RARB: variants seen among roughly 807,000 people sequenced by gnomAD.
RARB encodes the protein HBV-activated protein.
RARB carries 17 observed loss-of-function variants against 51.9 expected under a neutral mutation model. The observed-to-expected ratio is 0.33, with a 90% CI of 0.22 to 0.49. The LOEUF (loss-of-function observed/expected upper bound fraction) is 0.49. Ranked by LOEUF, RARB falls within the 20% of genes least tolerant of loss-of-function variation. The probability of loss-of-function intolerance (pLI) is 0.99; values close to 1 mark genes in which losing one functional copy is unlikely to be tolerated. For synonymous variants in RARB, 215 were observed against 195.4 expected (o/e 1.10, Z -0.84); for missense variants, 369 against 550.8 (o/e 0.67, Z 3.30).
intron 3 of RARB, among the ~76,000 whole-genome samples, chr3:25,121,520 C>T (rs1376289249): frequency 6.6e-6 from 1 of 152,140 alleles, no homozygotes; most frequent in East Asian, 1.9e-4. Flanking sequence ...CACCAGTCTA[C>T]GTTTTCACCT....
intron 5 of RARB, among the ~76,000 whole-genome samples, chr3:25,348,814 G>C (rs1430436942): frequency 6.6e-6 from 1 of 152,170 alleles, no homozygotes; most frequent in Non-Finnish European, 1.5e-5. Flanking sequence ...GCCAACTGGA[G>C]GGTTTGTAAC....
intron 5 of RARB, among the ~76,000 whole-genome samples, chr3:25,188,000 C>T (rs930782626): frequency 6.6e-6 from 1 of 151,672 alleles, no homozygotes; most frequent in Admixed American, 6.6e-5. Flanking sequence ...TTTAAAATGT[C>T]GATGGAGAAA....
chr3:25,149,822 C>T (rs1210904199), intron 4 of RARB, among the ~76,000 whole-genome samples: 1 of 152,220 alleles, frequency 6.6e-6, no homozygotes, highest in African/African-American at 2.4e-5. Flanking sequence ...ATACTCCTCA[C>T]GAGAGCAGAA....
chr3:24,916,386 T>C (rs1314594945), intron 2 of RARB, among the ~76,000 whole-genome samples: 4 of 152,176 alleles, frequency 2.6e-5, no homozygotes, highest in Middle Eastern at 6.3e-3. Context: ...TCCTGACCAA[T>C]GAGGCTTTAT....
intron 2 of RARB, among the ~76,000 whole-genome samples, chr3:24,896,136 T>TTA (rs1252016026): frequency 6.6e-6 from 1 of 152,172 alleles, no homozygotes; most frequent in Non-Finnish European, 1.5e-5. Context: ...ACGATTCCAC[T>TTA]TATATGAGCA....
At chr3:25,415,421 G>T (rs1476281666) in intron 5 of RARB, among the ~76,000 whole-genome samples, 2 of 151,956 alleles carry the variant, frequency 1.3e-5, no homozygotes, top group Non-Finnish European at 1.5e-5. Context: ...TTATTTGTAT[G>T]CAGTATATAC....
intron 2 of RARB, among the ~76,000 whole-genome samples, chr3:25,018,429 G>A (rs1011153719): frequency 6.6e-6 from 1 of 152,116 alleles, no homozygotes; most frequent in Non-Finnish European, 1.5e-5. Flanking sequence ...TGAGAAGAAA[G>A]GTAAATTAGG....
chr3:25,593,286 A>T (rs1336717647), intron 5 of RARB, among the ~76,000 whole-genome samples: 1 of 152,012 alleles, frequency 6.6e-6, no homozygotes, highest in Non-Finnish European at 1.5e-5. Context: ...AAAATTTCTT[A>T]TGTCCTGTTT....
At chr3:25,096,745 G>A (rs1375210394) in intron 3 of RARB, among the ~76,000 whole-genome samples, 2 of 152,106 alleles carry the variant, frequency 1.3e-5, no homozygotes, top group Admixed American at 1.3e-4. Flanking sequence ...TTAATCTGGG[G>A]GTGGACCCTG....
At chr3:25,390,612 A>G (rs1264548307) in intron 5 of RARB, among the ~76,000 whole-genome samples, 1 of 152,198 alleles carries the variant, frequency 6.6e-6, no homozygotes, top group Non-Finnish European at 1.5e-5. Context: ...ACAGGTTTTT[A>G]AATATGTAGT....
chr3:24,926,313 G>A (rs1033305813), intron 2 of RARB, among the ~76,000 whole-genome samples: 3 of 117,156 alleles, frequency 2.6e-5, no homozygotes, highest in South Asian at 2.5e-4. Flanking sequence ...AAAAATATAG[G>A]GTACCCTGTG....
intron 4 of RARB, among the ~76,000 whole-genome samples, chr3:25,570,957 CAGTG>C (rs1700683266): frequency 6.8e-6 from 1 of 147,054 alleles, no homozygotes; most frequent in Non-Finnish European, 1.5e-5. Flanking sequence ...AAAAAAAAAA[CAGTG>C]AGCGGCGGGG....
chr3:25,284,500 C>G (rs1000002115), intron 5 of RARB, among the ~76,000 whole-genome samples: 1 of 151,786 alleles, frequency 6.6e-6, no homozygotes, highest in Admixed American at 6.6e-5. Flanking sequence ...AAATATTACT[C>G]AAATATTTTT....
At chr3:25,116,807 A>G (rs1699694747) in intron 3 of RARB, among the ~76,000 whole-genome samples, 1 of 152,078 alleles carries the variant, frequency 6.6e-6, no homozygotes, top group Non-Finnish European at 1.5e-5. Context: ...TCTGAAGACT[A>G]GCTTTGTCTT....
chr3:24,934,736 T>C (rs947577948), intron 2 of RARB, among the ~76,000 whole-genome samples: 2 of 152,190 alleles, frequency 1.3e-5, no homozygotes, highest in Non-Finnish European at 2.9e-5. Flanking sequence ...TCCTATATTA[T>C]TATGACCAAA....
chr3:24,987,967 T>A (rs576364838), intron 2 of RARB, among the ~76,000 whole-genome samples: 15 of 2,730 alleles, frequency 5.5e-3, no homozygotes, highest in African/African-American at 0.02. Context: ...TTTCATTCCA[T>A]TTTTTTTTTT....
At chr3:25,547,602 C>G (rs1202177386) in intron 3 of RARB, among the ~76,000 whole-genome samples, 1 of 152,198 alleles carries the variant, frequency 6.6e-6, no homozygotes, top group Non-Finnish European at 1.5e-5. Flanking sequence ...CCTTTGATGT[C>G]ATAAGTCATC....
intron 5 of RARB, among the ~76,000 whole-genome samples, chr3:25,378,783 T>A (rs772559598): frequency 8.5e-5 from 13 of 152,308 alleles, no homozygotes; most frequent in Non-Finnish European, 1.8e-4. Context: ...AGGTCTTTGG[T>A]CTGTAAAATA....
chr3:25,130,396 A>G (rs1699926821), intron 3 of RARB, among the ~76,000 whole-genome samples: 1 of 152,036 alleles, frequency 6.6e-6, no homozygotes, highest in Non-Finnish European at 1.5e-5. Flanking sequence ...CTTTGTGACT[A>G]ACTCTGACAA....
Sources: gnomAD v4.1 joint callset for allele counts (sites outside exome capture counted in the v4.1 genomes callset) on GRCh38, gnomAD v4.1.1 for gene constraint, MANE v1.5 for transcripts, NCBI Gene and HGNC (gene_info 2026-07-23, HGNC 2026-07-21) for gene names.